The following LARS1 variants were observed in gnomAD, a reference collection of about 807,000 sequenced individuals.
LARS1 encodes the protein leucyl-tRNA synthetase 1.
In LARS1, 100 loss-of-function variants were observed where a neutral mutation model predicts 162.8. The observed-to-expected ratio is 0.61, with a 90% CI of 0.52 to 0.73. The LOEUF (loss-of-function observed/expected upper bound fraction) is 0.73, where lower values mean the gene tolerates loss of function less well. Among genes scored for constraint, LARS1 ranks in the 30% least tolerant of loss-of-function variants. The pLI is 0.00. For synonymous variants in LARS1, 457 were observed against 462.8 expected (o/e 0.99, Z 0.16); for missense variants, 1,258 against 1,408.9 (o/e 0.89, Z 1.71).
intron 10 of LARS1, among the ~76,000 whole-genome samples, chr5:146,156,873 T>A (rs1319974747): frequency 1.3e-5 from 2 of 151,924 alleles, no homozygotes; most frequent in Non-Finnish European, 2.9e-5. Context: ...AATGCAGCTA[T>A]TAAATCTCTT....
chr5:146,164,180 G>A, intron 6 of LARS1, 130 bp downstream of exon 6: 1 of 840,828 alleles, frequency 1.2e-6, no homozygotes, highest in Non-Finnish European at 1.9e-6. Flanking sequence ...CACTAGACTT[G>A]CTCAACGCAG....
At chr5:146,155,991 A>T (rs938874604) in intron 10 of LARS1, among the ~76,000 whole-genome samples, 3 of 152,380 alleles carry the variant, frequency 2.0e-5, no homozygotes, top group African/African-American at 7.2e-5. Flanking sequence ...GCTATAAAAA[A>T]TAAGAATAAA....
intron 4 of LARS1, among the ~76,000 whole-genome samples, chr5:146,170,221 C>G (rs759453953): frequency 6.6e-6 from 1 of 152,162 alleles, no homozygotes; most frequent in African/African-American, 2.4e-5. Flanking sequence ...AATCTCAGCA[C>G]TGTGGGAAGC....
rs944875575 is a variant in LARS1, at chr5:146,144,696, A to G, written c.1517T>C (p.Ile506Thr). 3.9e-5 allele frequency: 63 copies of G among 1,613,760 alleles called. No individual in the cohort carries two copies. Among genetic ancestry groups the G allele is most frequent in the Non-Finnish European group, 4.7e-5 (56 of 1,179,874 alleles). The stretch of plus-strand genomic sequence containing the variant: ...CACTTGTTTCTCTGGTTCCATGTAA[A>G]TAAGTGCATCTCCCTAAAGGAAGGT... ...KKMIDAGDALIYMEPEKQVMS... is the reference protein window; with the variant it reads ...KKMIDAGDALTYMEPEKQVMS... The change falls in exon 16 of 32, where the codon ATT becomes ACT. Residue 506 changes from isoleucine to threonine, a missense_variant. By Grantham distance (89) the Ile-to-Thr change is moderately conservative. Coordinates refer to ENST00000394434, the MANE Select transcript of LARS1 (RefSeq NM_020117.11).
intron 6 of LARS1, among the ~76,000 whole-genome samples, chr5:146,163,290 A>G (rs1753859316): frequency 6.6e-6 from 1 of 152,132 alleles, no homozygotes; most frequent in Non-Finnish European, 1.5e-5. Flanking sequence ...GGCTGGTTTG[A>G]TCTTCTATAT....
intron 28 of LARS1, among the ~76,000 whole-genome samples, chr5:146,125,128 A>G (rs998668466): frequency 2.0e-5 from 3 of 152,104 alleles, no homozygotes; most frequent in South Asian, 2.1e-4. Context: ...GCAACCATCA[A>G]TGGAATATTT....
intron 28 of LARS1, 76 bp from the exon 29 acceptor site, chr5:146,124,162 C>G (rs1162186852): frequency 1.1e-6 from 1 of 889,018 alleles, no homozygotes; most frequent in East Asian, 2.4e-5. Context: ...CCAAAGTAAT[C>G]ATTCTTCTCT....
At chr5:146,120,068 AC>A (rs1751749831) in intron 31 of LARS1, among the ~76,000 whole-genome samples, 1 of 152,142 alleles carries the variant, frequency 6.6e-6, no homozygotes, top group African/African-American at 2.4e-5. Context: ...TCTCTGAGAG[AC>A]AGAAATCACT....
intron 18 of LARS1, among the ~76,000 whole-genome samples, chr5:146,143,957 G>A (rs36122632): frequency 0.22 from 33,846 of 151,942 alleles, 4,825 homozygotes; most frequent in Admixed American, 0.34. Flanking sequence ...AGCTGAGATC[G>A]CACCACTGCA....
chr5:146,130,313 G>C, intron 24 of LARS1, 155 bp from the exon 25 acceptor site: 1 of 728,292 alleles, frequency 1.4e-6, no homozygotes, highest in African/African-American at 1.8e-5. Context: ...TTAAGAATCT[G>C]CAAGTATTTA....
rs760590238 is a variant in LARS1 at position 146,135,674 on chromosome 5, A to G, written c.2149-10T>C. 16 of 1,580,918 alleles carry G rather than the reference A, an allele frequency of 1.0e-5. 1 individual carries two copies. The East Asian group carries it at 3.6e-4, about 36-fold the overall frequency. The stretch of plus-strand genomic sequence containing the variant: ...CTGTGGATTTTGACATCTGAAATAG[A>G]GAGTCAGTGATCAATCATTAATAAC... On this transcript the variant is annotated splice_polypyrimidine_tract_variant and intron_variant, in intron 21 of 31. Coordinates refer to ENST00000394434, the MANE Select transcript of LARS1 (RefSeq NM_020117.11).
intron 25 of LARS1, 31 bp downstream of exon 25, chr5:146,129,985 ACC>A: frequency 6.3e-7 from 1 of 1,580,598 alleles, no homozygotes; most frequent in Non-Finnish European, 8.6e-7. Flanking sequence ...CAAAATCAAA[ACC>A]ACTCGAAACA....
At chr5:146,150,625 T>TA (rs1463501347) in intron 14 of LARS1, among the ~76,000 whole-genome samples, 14 of 69,594 alleles carry the variant, frequency 2.0e-4, no homozygotes, top group African/African-American at 5.2e-4. Flanking sequence ...AGACTCCGTC[T>TA]CAAAAAAAAA....
intron 10 of LARS1, among the ~76,000 whole-genome samples, chr5:146,157,190 T>C (rs1753568081): frequency 6.6e-6 from 1 of 152,170 alleles, no homozygotes; most frequent in African/African-American, 2.4e-5. Flanking sequence ...GAGAGAGCCT[T>C]CTGGAGTGCT....
chr5:146,120,581 C>G, intron 30 of LARS1, 78 bp from the exon 31 acceptor site: 1 of 1,375,544 alleles, frequency 7.3e-7, no homozygotes, highest in Non-Finnish European at 1.0e-6. Context: ...GTTTTCAATG[C>G]CCAATGAAAG....
At chr5:146,143,337 A>G in intron 19 of LARS1, 75 bp downstream of exon 19, 1 of 1,510,236 alleles carries the variant, frequency 6.6e-7, no homozygotes, top group Non-Finnish European at 8.9e-7. Context: ...TCTTATTAAA[A>G]CATTTAAATA....
intron 27 of LARS1, among the ~76,000 whole-genome samples, chr5:146,128,328 T>TA (rs1389480406): frequency 6.6e-6 from 1 of 152,182 alleles, no homozygotes; most frequent in East Asian, 1.9e-4. Context: ...ATTTAATGAA[T>TA]GACTCCCACT....
rs372102358 is a variant in LARS1 at position 146,146,813 on chromosome 5, A to G, written c.1504-2104T>C. On this transcript the variant is annotated intron_variant, in intron 15 of 31. Coordinates refer to ENST00000394434, the MANE Select transcript of LARS1 (RefSeq NM_020117.11). ...ACTGCAACCTCTGCCTCCCAGGTTC[A>G]AGCGATTCTCATGCCTCAGCCTCCC... is the stretch of plus-strand genomic sequence containing the variant. Among the ~76,000 whole-genome samples, 3 of 151,772 alleles carry G rather than the reference A, an allele frequency of 2.0e-5. No homozygotes were observed. The East Asian group carries it at 5.8e-4, about 29-fold the overall frequency.
chr5:146,157,942 T>C (rs575545979), intron 8 of LARS1, 147 bp from the exon 9 acceptor site: 17 of 728,276 alleles, frequency 2.3e-5, no homozygotes, highest in Non-Finnish European at 3.7e-5. Context: ...GCCAGTGGTG[T>C]GCTAACTATA....
Sources: allele counts gnomAD v4.1 joint callset (sites outside exome capture counted in the v4.1 genomes callset), GRCh38; gene constraint gnomAD v4.1.1; transcripts MANE v1.5; gene names NCBI Gene and HGNC (gene_info 2026-07-23, HGNC 2026-07-21).